Variants in ERI1 observed in about 807,000 individuals in gnomAD.
ERI1 encodes the protein exoribonuclease 1, also known as 3'-5' exoribonuclease 1.
A neutral mutation model predicts 39.7 loss-of-function variants in ERI1; 39 were observed. The observed-to-expected ratio is 0.98, with a 90% CI of 0.76 to 1.28. ERI1 has a LOEUF of 1.28. Ranked by LOEUF, ERI1 falls within the 50% of genes most tolerant of loss-of-function variation. ERI1 has a pLI of 0.00. For missense variants in ERI1, 581 were observed against 416.9 expected (o/e 1.39, Z -3.43); for synonymous variants, 204 against 149.6 (o/e 1.36, Z -2.65).
intron 1 of ERI1, chr8:9,003,988 T>TC: frequency 1.1e-6 from 1 of 886,790 alleles, no homozygotes; most frequent in South Asian, 1.4e-5. Context: ...CCCTCCTGAG[T>TC]CACTTCCATT....
intron 3 of ERI1, among the ~76,000 whole-genome samples, chr8:9,093,519 AAAAG>A (rs1453189665): frequency 1.3e-5 from 2 of 150,882 alleles, no homozygotes; most frequent in Admixed American, 6.6e-5. Flanking sequence ...AAAAAAAAAA[AAAAG>A]AAGAAGAAGA....
chr8:9,017,194 G>C (rs919543486), intron 4 of ERI1, among the ~76,000 whole-genome samples: 1 of 151,910 alleles, frequency 6.6e-6, no homozygotes, highest in Non-Finnish European at 1.5e-5. Context: ...CACACACCAC[G>C]ATGATTGGCT....
chr8:9,052,782 C>T (rs1022240706), intron 3 of ERI1, among the ~76,000 whole-genome samples: 2 of 152,094 alleles, frequency 1.3e-5, no homozygotes, highest in Admixed American at 6.6e-5. Flanking sequence ...CCGAGTGGTT[C>T]GAATGTCTGT....
intron 3 of ERI1, among the ~76,000 whole-genome samples, chr8:9,089,062 T>C (rs1038399600): frequency 4.6e-5 from 7 of 152,180 alleles, no homozygotes; most frequent in African/African-American, 1.7e-4. Flanking sequence ...CTGTGTGATA[T>C]TTGGCAAGTT....
intron 1 of ERI1, chr8:9,004,113 G>C: frequency 7.8e-7 from 1 of 1,289,274 alleles, no homozygotes; most frequent in South Asian, 1.2e-5. Context: ...TTGGAAAGAA[G>C]GTCTCGTTAA....
intron 3 of ERI1, among the ~76,000 whole-genome samples, chr8:9,013,831 G>A (rs1200153666): frequency 6.6e-6 from 1 of 152,076 alleles, no homozygotes; most frequent in Non-Finnish European, 1.5e-5. Flanking sequence ...CTCACATCCA[G>A]GTCATCAATG....
chr8:9,047,204 A>C (rs1178998516), intron 3 of ERI1, among the ~76,000 whole-genome samples: 2 of 152,144 alleles, frequency 1.3e-5, no homozygotes, highest in Non-Finnish European at 2.9e-5. Flanking sequence ...CCACCATCCC[A>C]CACCTAAAAA....
At chr8:9,009,419 A>C (rs963362022) in intron 2 of ERI1, among the ~76,000 whole-genome samples, 1 of 152,086 alleles carries the variant, frequency 6.6e-6, no homozygotes, top group Non-Finnish European at 1.5e-5. Context: ...TATTTCAGGC[A>C]AAAAAATAAC....
At chr8:9,004,485 C>CT (rs71201904) in intron 1 of ERI1, among the ~76,000 whole-genome samples, 2,498 of 78,308 alleles carry the variant, frequency 0.032, 107 homozygotes, top group Admixed American at 0.045. Context: ...TATAGTGATA[C>CT]TTTTTTTTTT....
At chr8:9,061,523 C>T (rs917422357) in intron 3 of ERI1, among the ~76,000 whole-genome samples, 4 of 152,158 alleles carry the variant, frequency 2.6e-5, no homozygotes, top group East Asian at 3.9e-4. Context: ...CAGTGGCGGC[C>T]GCTGCACGCA....
chr8:9,058,471 A>G (rs1298960677), intron 3 of ERI1, among the ~76,000 whole-genome samples: 4 of 152,220 alleles, frequency 2.6e-5, no homozygotes, highest in African/African-American at 9.6e-5. Context: ...GGTTTTCTCC[A>G]TGTTAATGAG....
At chr8:9,009,355 G>A (rs553523685) in intron 2 of ERI1, among the ~76,000 whole-genome samples, 5 of 152,122 alleles carry the variant, frequency 3.3e-5, no homozygotes, top group Middle Eastern at 3.4e-3. Flanking sequence ...TATTTCTCAG[G>A]AATTCAGAAA....
intron 3 of ERI1, among the ~76,000 whole-genome samples, chr8:9,091,849 A>G (rs1437959989): frequency 6.6e-6 from 1 of 152,272 alleles, no homozygotes; most frequent in African/African-American, 2.4e-5. Flanking sequence ...CATATTTTAA[A>G]GAGACAGACA....
intron 3 of ERI1, among the ~76,000 whole-genome samples, chr8:9,098,620 T>C (rs1290541430): frequency 1.3e-5 from 2 of 152,034 alleles, no homozygotes; most frequent in Non-Finnish European, 2.9e-5. Flanking sequence ...TTGGGTACAG[T>C]GTACACTGCT....
rs1554512641 is a variant in ERI1, at chr8:9,004,696, T to TTG, written c.108+1526_108+1527insGT. ...AATAGTAATGATACTTTTTTTTTTT[T>TTG]TTTTTTGGAGACGGAGTTTCGTTCT... On this transcript the variant is annotated intron_variant, in intron 1 of 6. Coordinates refer to ENST00000250263, the MANE Select transcript of ERI1 (RefSeq NM_153332.4). Among the ~76,000 whole-genome samples, 59 of 150,656 alleles carry TTG rather than the reference T, an allele frequency of 3.9e-4. 1 individual carries two copies. The South Asian group carries it at 0.012, about 32-fold the overall frequency.
At chr8:9,086,055 C>G (rs1465036715) in intron 3 of ERI1, among the ~76,000 whole-genome samples, 2 of 152,120 alleles carry the variant, frequency 1.3e-5, no homozygotes, top group South Asian at 2.1e-4. Context: ...GGAAATAACT[C>G]CCGTCCTCTT....
intron 2 of ERI1, among the ~76,000 whole-genome samples, chr8:9,008,374 A>T (rs78171686): frequency 0.045 from 6,830 of 152,248 alleles, 215 homozygotes; most frequent in Non-Finnish European, 0.068. Context: ...TTAATGACCT[A>T]CCGGCAATGT....
At chr8:9,096,525 G>T (rs967139131) in intron 3 of ERI1, among the ~76,000 whole-genome samples, 1 of 152,104 alleles carries the variant, frequency 6.6e-6, no homozygotes, top group Non-Finnish European at 1.5e-5. Context: ...CTGCTGGACT[G>T]TGAAAGGGCT....
At chr8:9,082,114 T>G (rs2117453604) in intron 3 of ERI1, among the ~76,000 whole-genome samples, 1 of 152,308 alleles carries the variant, frequency 6.6e-6, no homozygotes, top group South Asian at 2.1e-4. Context: ...TTCTTACGAC[T>G]CCAGGAAGTG....
Sources: allele counts gnomAD v4.1 joint callset (sites outside exome capture counted in the v4.1 genomes callset), GRCh38; gene constraint gnomAD v4.1.1; transcripts MANE v1.5; gene names NCBI Gene and HGNC (gene_info 2026-07-23, HGNC 2026-07-21).